GPC3: variants seen among roughly 807,000 people sequenced by gnomAD.
GPC3 encodes glypican 3.
A neutral mutation model predicts 34.4 loss-of-function variants in GPC3; 3 were observed. The observed-to-expected ratio is 0.09, with a 90% CI of 0.04 to 0.23. GPC3 has a LOEUF of 0.23. Ranked by LOEUF, GPC3 falls within the 10% of genes least tolerant of loss-of-function variation. The pLI, the probability that GPC3 is intolerant of heterozygous loss-of-function variation, is 1.00. For missense variants in GPC3, 351 were observed against 445.6 expected (o/e 0.79, Z 1.91); for synonymous variants, 177 against 174.0 (o/e 1.02, Z -0.13).
At chrX:133,662,954 G>A (rs184759952) in intron 5 of GPC3, among the ~76,000 whole-genome samples, 36 of 110,373 alleles carry the variant, frequency 3.3e-4, no homozygotes, top group Non-Finnish European at 5.9e-4. Flanking sequence ...AAATAATAAT[G>A]TTCATTGTAA....
chrX:133,984,167 C>T (rs1209283063), intron 1 of GPC3, among the ~76,000 whole-genome samples: 1 of 113,686 alleles, frequency 8.8e-6, no homozygotes, highest in Non-Finnish European at 1.9e-5. Flanking sequence ...CCCGATCCCT[C>T]GGAAGCGCGG....
At chrX:133,863,996 T>C (rs1425584912) in intron 2 of GPC3, among the ~76,000 whole-genome samples, 1 of 111,677 alleles carries the variant, frequency 9.0e-6, no homozygotes, top group Non-Finnish European at 1.9e-5. Flanking sequence ...GCCTTTTTGA[T>C]TACTGGCAAA....
chrX:133,731,374 T>C (rs1304870892), intron 3 of GPC3, among the ~76,000 whole-genome samples: 1 of 112,909 alleles, frequency 8.9e-6, no homozygotes, highest in Non-Finnish European at 1.9e-5. Context: ...CCCCTGTAAG[T>C]TGATTTTTAA....
chrX:133,809,469 T>C (rs2075653650), intron 2 of GPC3, among the ~76,000 whole-genome samples: 1 of 111,128 alleles, frequency 9.0e-6, no homozygotes, highest in African/African-American at 3.3e-5. Context: ...CTCTCATCCT[T>C]CCCAGCCTCC....
intron 2 of GPC3, among the ~76,000 whole-genome samples, chrX:133,950,232 C>T (rs993936931): frequency 5.4e-5 from 6 of 111,903 alleles, no homozygotes; most frequent in Non-Finnish European, 9.4e-5. Flanking sequence ...GAATAAAGAA[C>T]AACTTTTTTA....
At chrX:133,584,587 T>A (rs1905804699) in intron 7 of GPC3, among the ~76,000 whole-genome samples, 1 of 112,062 alleles carries the variant, frequency 8.9e-6, no homozygotes, top group African/African-American at 3.2e-5. Context: ...CAAGCGATTC[T>A]CATGCCTCAC....
intron 2 of GPC3, among the ~76,000 whole-genome samples, chrX:133,887,625 A>T (rs924278063): frequency 9.0e-6 from 1 of 111,668 alleles, no homozygotes. Flanking sequence ...AGCTTGTGGG[A>T]GTTATTTATA....
chrX:133,902,236 C>T (rs990295179), intron 2 of GPC3, among the ~76,000 whole-genome samples: 3 of 112,447 alleles, frequency 2.7e-5, no homozygotes, highest in African/African-American at 9.7e-5. Context: ...AAGAAGGACA[C>T]TTTAAGACAA....
chrX:133,645,824 TG>T (rs1287348874), intron 6 of GPC3, among the ~76,000 whole-genome samples: 1 of 110,358 alleles, frequency 9.1e-6, no homozygotes, highest in African/African-American at 3.3e-5. Flanking sequence ...TCTTAAATTA[TG>T]TGGAAGATGA....
At chrX:133,809,012 A>G (rs2075650595) in intron 2 of GPC3, among the ~76,000 whole-genome samples, 1 of 112,239 alleles carries the variant, frequency 8.9e-6, no homozygotes, top group African/African-American at 3.2e-5. Flanking sequence ...TCCTATTCAT[A>G]TCCTTGTTAT....
chrX:133,671,559 AG>A (rs1437507725), intron 5 of GPC3, among the ~76,000 whole-genome samples: 1 of 112,410 alleles, frequency 8.9e-6, no homozygotes, highest in African/African-American at 3.2e-5. Flanking sequence ...CTTTACTCCA[AG>A]AAGTACCTGT....
In GPC3 at chrX:133,536,015, ATACAGGAT is replaced by A. The variant is rs1362290158; in HGVS notation, c.*101_*108del. 3.5e-6 allele frequency: 2 copies of A among 568,280 alleles called. No homozygotes were observed. The highest frequency in any genetic ancestry group is 5.8e-6 in the Non-Finnish European group (2 of 344,964). The allele number at this position is 568,280 out of a possible 1,213,427, so 46.8% of individuals were successfully genotyped here. A position where few individuals can be genotyped will look rare whatever the true frequency, so the allele number is the denominator to read the frequency against. On this transcript the variant is annotated 3_prime_UTR_variant, in exon 8 of 8. Coordinates refer to ENST00000370818, the MANE Select transcript of GPC3 (RefSeq NM_004484.4). ...CCTCTACTTCATGGCTGGAGGAGGTATACAGGATAACAAAAAAAAAAAAATAGAAAAAA... is the reference window on the plus strand; with the variant it reads ...CCTCTACTTCATGGCTGGAGGAGGTAAACAAAAAAAAAAAAATAGAAAAAA...
rs2076400785 is a variant in GPC3 at position 133,953,168 on chromosome X, G to A, written c.219C>T (p.Cys73=). The change falls in exon 2 of 8, where the codon TGC becomes TGT. Residue 73 remains cysteine (C), a synonymous_variant. Coordinates refer to ENST00000370818, the MANE Select transcript of GPC3 (RefSeq NM_004484.4). ...QVCLPKGPTC[C]SRKMEEKYQL... ...GGTATTTTTCTTCCATCTTTCTTGA[G>A]CAGCATGTTGGGCCCTTAGGGAGAC... 3.3e-6 allele frequency: 4 copies of A among 1,208,100 alleles called. No homozygotes were observed. Among genetic ancestry groups the A allele is most frequent in the Non-Finnish European group, 4.5e-6 (4 of 892,879 alleles).
chrX:133,655,523 C>T (rs1315890023), intron 6 of GPC3, among the ~76,000 whole-genome samples: 2 of 110,283 alleles, frequency 1.8e-5, no homozygotes, highest in African/African-American at 6.6e-5. Context: ...CACACACACA[C>T]ACACATTCTG....
At chrX:133,743,682 C>T (rs957719838) in intron 3 of GPC3, among the ~76,000 whole-genome samples, 6 of 112,107 alleles carry the variant, frequency 5.4e-5, no homozygotes, top group African/African-American at 1.9e-4. Flanking sequence ...CTTTTCTGCC[C>T]CCACAAGGTA....
intron 2 of GPC3, among the ~76,000 whole-genome samples, chrX:133,904,966 T>G (rs960356811): frequency 8.9e-6 from 1 of 112,328 alleles, no homozygotes; most frequent in Non-Finnish European, 1.9e-5. Flanking sequence ...CATTTGTACA[T>G]GACCTTATGG....
intron 2 of GPC3, among the ~76,000 whole-genome samples, chrX:133,804,390 G>A (rs757899616): frequency 1.7e-3 from 187 of 110,327 alleles, no homozygotes; most frequent in Middle Eastern, 4.7e-3. Flanking sequence ...ATCTTTAACC[G>A]TTTCAAGACA....
rs2071809447 is a variant in GPC3 at position 133,762,932 on chromosome X, T to C, written c.338-8756A>G. ...ATCTATAAAAGGAAAAGTGATGGCATCTACATCCTAAATCTGAAGAGGACC... is the reference window on the plus strand; with the variant it reads ...ATCTATAAAAGGAAAAGTGATGGCACCTACATCCTAAATCTGAAGAGGACC... On this transcript the variant is annotated intron_variant, in intron 2 of 7. Coordinates refer to ENST00000370818, the MANE Select transcript of GPC3 (RefSeq NM_004484.4). 7.0e-6 allele frequency: 4 copies of C among 567,541 alleles called. No individual in the cohort carries two copies. In the Admixed American group the frequency reaches 8.9e-5, roughly 13 times the overall value. 46.8% of individuals were successfully genotyped at this position (567,541 alleles called of 1,213,427 possible). A position where few individuals can be genotyped will look rare whatever the true frequency, so the allele number is the denominator to read the frequency against.
intron 3 of GPC3, among the ~76,000 whole-genome samples, chrX:133,730,117 C>T (rs73239402): frequency 0.038 from 4,267 of 111,717 alleles, 80 homozygotes; most frequent in Non-Finnish European, 0.06. Context: ...TTCAATTGTA[C>T]TAATGACTGT....
Sources: allele counts gnomAD v4.1 joint callset (sites outside exome capture counted in the v4.1 genomes callset), GRCh38; gene constraint gnomAD v4.1.1; transcripts MANE v1.5; gene names NCBI Gene and HGNC (gene_info 2026-07-23, HGNC 2026-07-21).